Variants in ADAM9 observed in about 807,000 individuals in gnomAD.
ADAM9 encodes disintegrin and metalloproteinase domain-containing protein 9.
In ADAM9, 54 loss-of-function variants were observed where a neutral mutation model predicts 108.1. The observed-to-expected ratio is 0.50, with a 90% CI of 0.40 to 0.63. ADAM9 has a LOEUF of 0.63. Among genes scored for constraint, ADAM9 ranks in the 20% least tolerant of loss-of-function variants. The pLI, the probability that ADAM9 is intolerant of heterozygous loss-of-function variation, is 0.00. For missense variants in ADAM9, 830 were observed against 997.7 expected, an observed-to-expected ratio of 0.83 and a Z score of 2.26; for synonymous variants, 316 against 336.0, an observed-to-expected ratio of 0.94 and a Z score of 0.65.
Position 39,055,675 on chromosome 8 carries a change from T to C in ADAM9, c.1494T>C (p.Phe498=). 3 of 1,613,828 alleles carry C rather than the reference T, an allele frequency of 1.9e-6. No homozygotes were observed. The change falls in exon 14 of 22, where the codon TTT becomes TTC. Residue 498 remains phenylalanine (F), a synonymous_variant. Coordinates refer to ENST00000487273, the MANE Select transcript of ADAM9 (RefSeq NM_003816.3). ...GSSQFCQPDV[F]IQNGYPCQNN... is the part of the protein sequence containing the mutation. Reference sequence around the variant, plus strand: ...CTCAGTTCTGTCAGCCAGATGTTTTTATTCAGAATGGATATCCTTGCCAGA... The same window carrying C: ...CTCAGTTCTGTCAGCCAGATGTTTTCATTCAGAATGGATATCCTTGCCAGA...
At chr8:39,048,169 C>T (rs1352769744) in intron 12 of ADAM9, among the ~76,000 whole-genome samples, 2 of 152,084 alleles carry the variant, frequency 1.3e-5, no homozygotes, top group African/African-American at 4.8e-5. Context: ...GATCTACCCG[C>T]CTTGGTCTGG....
chr8:39,031,750 A>G (rs1265854515), intron 11 of ADAM9, among the ~76,000 whole-genome samples: 1 of 152,140 alleles, frequency 6.6e-6, no homozygotes, highest in Non-Finnish European at 1.5e-5. Flanking sequence ...TAGAATTTTC[A>G]GCTTTTCTGC....
rs1422167606 is a variant in ADAM9 at position 39,055,718 on chromosome 8, T to C, written c.1537T>C (p.Tyr513His). Residue 513 changes from tyrosine to histidine, a missense_variant, in exon 14 of 22, where the codon TAC becomes CAC. Coordinates refer to ENST00000487273, the MANE Select transcript of ADAM9 (RefSeq NM_003816.3). ...YPCQNNKAYCYNGMCQYYDAQ... is the reference protein window; with the variant it reads ...YPCQNNKAYCHNGMCQYYDAQ... ...TTGCCAGAATAACAAAGCCTATTGCTACAACGGCATGTGCCAGTATTATGA... is the reference window on the plus strand; with the variant it reads ...TTGCCAGAATAACAAAGCCTATTGCCACAACGGCATGTGCCAGTATTATGA... 6.2e-7 allele frequency: 1 copy of C among 1,613,724 alleles called. No individual in the cohort carries two copies.
chr8:39,078,990 CT>C (rs1422820122), intron 16 of ADAM9, among the ~76,000 whole-genome samples: 1 of 152,108 alleles, frequency 6.6e-6, no homozygotes, highest in Non-Finnish European at 1.5e-5. Context: ...CAACATCTCA[CT>C]GTTCACTGGG....
At chr8:39,048,428 G>C (rs1837844986) in intron 12 of ADAM9, among the ~76,000 whole-genome samples, 1 of 151,846 alleles carries the variant, frequency 6.6e-6, no homozygotes, top group African/African-American at 2.4e-5. Flanking sequence ...CATCCATTTT[G>C]GTCAGAAAAT....
chr8:39,021,530 C>G (rs917511513), intron 7 of ADAM9, 113 bp from the exon 8 acceptor site: 8 of 905,576 alleles, frequency 8.8e-6, no homozygotes, highest in African/African-American at 1.6e-5. Flanking sequence ...GTGATCTACC[C>G]GCCTGGGCCT....
chr8:39,073,204 T>C (rs1294245038), intron 15 of ADAM9, among the ~76,000 whole-genome samples: 10 of 152,224 alleles, frequency 6.6e-5, no homozygotes, highest in Admixed American at 6.5e-4. Context: ...TTCAAATATT[T>C]CATATCTATG....
In ADAM9 at chr8:39,105,060, TATA is replaced by T; in HGVS notation, c.*1363_*1365del. On this transcript the variant is annotated 3_prime_UTR_variant, in exon 22 of 22. Transcript: ENST00000487273. ...TTTATAATCTCATTAATTAAAAAGTTATAATTTTAGATAAAAATTCTAGTCAAA... is the reference window on the plus strand; with the variant it reads ...TTTATAATCTCATTAATTAAAAAGTTATTTTAGATAAAAATTCTAGTCAAA... The T allele has an allele frequency of 2.5e-6, 1 of 405,168 alleles. No homozygotes were observed. Among genetic ancestry groups the T allele is most frequent in the East Asian group, 7.2e-5 (1 of 13,900 alleles). 25.1% of individuals were successfully genotyped at this position (405,168 alleles called of 1,614,324 possible).
At chr8:39,021,543 C>T (rs1344926932) in intron 7 of ADAM9, 100 bp from the exon 8 acceptor site, 3 of 1,109,114 alleles carry the variant, frequency 2.7e-6, no homozygotes, top group Non-Finnish European at 4.1e-6. Context: ...CTGGGCCTCT[C>T]AAAATGCTAG....
At position 39,021,731 on chromosome 8, in the gene ADAM9, A is replaced by G. The variant is rs759900020; in HGVS notation, c.744+17A>G. On this transcript the variant is annotated intron_variant, in intron 8 of 21. Transcript: ENST00000487273. The stretch of plus-strand genomic sequence containing the variant: ...TTGGATAGTGTAAGTTGTATTTTCT[A>G]TCAACCAGGATGATTCTGTCCTATT... The G allele has an allele frequency of 3.1e-5, 50 of 1,596,722 alleles. No individual in the cohort carries two copies. The highest frequency in any genetic ancestry group is 6.7e-5 in the African/African-American group (5 of 74,428).
chr8:39,065,984 G>A (rs993268620), intron 14 of ADAM9, among the ~76,000 whole-genome samples: 1 of 152,092 alleles, frequency 6.6e-6, no homozygotes, highest in African/African-American at 2.4e-5. Context: ...TCCAACCTAT[G>A]AGTGAGAACA....
chr8:39,074,469 T>C (rs1043981078), intron 15 of ADAM9, among the ~76,000 whole-genome samples: 2 of 152,306 alleles, frequency 1.3e-5, no homozygotes, highest in African/African-American at 2.4e-5. Context: ...ATCAAGATTT[T>C]GCTGAACCAT....
chr8:39,024,288 C>T (rs572356644), intron 9 of ADAM9, among the ~76,000 whole-genome samples: 4 of 152,104 alleles, frequency 2.6e-5, no homozygotes, highest in African/African-American at 4.8e-5. Flanking sequence ...CACACATCCT[C>T]GTACCAGTGA....
At chr8:38,999,125 T>A (rs1835920305) in intron 1 of ADAM9, among the ~76,000 whole-genome samples, 1 of 152,080 alleles carries the variant, frequency 6.6e-6, no homozygotes, top group African/African-American at 2.4e-5. Flanking sequence ...TCATACAAAA[T>A]CAGCTGACCA....
chr8:39,060,533 G>T (rs1230652970), intron 14 of ADAM9, among the ~76,000 whole-genome samples: 1 of 152,206 alleles, frequency 6.6e-6, no homozygotes, highest in Non-Finnish European at 1.5e-5. Context: ...GGAGTGGCCA[G>T]ATGCAACTTC....
rs181906464 is a variant in ADAM9, at chr8:39,071,619, A to G, written c.1697+216A>G. Among the ~76,000 whole-genome samples, 504 of 152,218 alleles carry G rather than the reference A, an allele frequency of 3.3e-3. 5 individuals carry two copies. The highest frequency in any genetic ancestry group is 0.011 in the African/African-American group (477 of 41,538). ...GTAGCTGGGACTACAGGCATGTGCC[A>G]CCACGCCCAGCTAATTTTTTGTATT... On this transcript the variant is annotated intron_variant, in intron 15 of 21. Transcript: ENST00000487273.
intron 14 of ADAM9, among the ~76,000 whole-genome samples, chr8:39,066,755 A>G (rs1345806930): frequency 1.3e-5 from 2 of 152,128 alleles, no homozygotes; most frequent in Non-Finnish European, 2.9e-5. Context: ...CTTTAGTTTA[A>G]TTAGATCCTA....
intron 6 of ADAM9, among the ~76,000 whole-genome samples, chr8:39,017,884 C>T (rs373901964): frequency 2.6e-5 from 4 of 152,376 alleles, no homozygotes; most frequent in East Asian, 1.9e-4. Context: ...TAAGCCACTG[C>T]ACCCAGTGCA....
chr8:39,029,428 TG>T (rs1359733640), intron 11 of ADAM9, among the ~76,000 whole-genome samples: 1 of 152,202 alleles, frequency 6.6e-6, no homozygotes, highest in Non-Finnish European at 1.5e-5. Flanking sequence ...TCTTATCTCT[TG>T]AATAGAAGTG....
Sources: gnomAD v4.1 joint callset for allele counts (sites outside exome capture counted in the v4.1 genomes callset) on GRCh38, gnomAD v4.1.1 for gene constraint, MANE v1.5 for transcripts, NCBI Gene and HGNC (gene_info 2026-07-23, HGNC 2026-07-21) for gene names.